ITSN1: variants seen among roughly 807,000 people sequenced by gnomAD.
ITSN1 encodes intersectin 1, also known as intersectin-1.
Under a neutral mutation model 239.8 loss-of-function variants are expected in ITSN1, and 58 were observed. The observed-to-expected ratio is 0.24, with a 90% CI of 0.20 to 0.30. ITSN1 has a LOEUF of 0.30. Among genes scored for constraint, ITSN1 ranks in the 10% least tolerant of loss-of-function variants. The pLI, the probability that ITSN1 is intolerant of heterozygous loss-of-function variation, is 1.00. For synonymous variants in ITSN1, 780 were observed against 770.8 expected (o/e 1.01, Z -0.20); for missense variants, 1,558 against 2,103.3 (o/e 0.74, Z 5.07).
chr21:33,793,124 G>A (rs748322378), intron 16 of ITSN1, among the ~76,000 whole-genome samples: 1 of 152,152 alleles, frequency 6.6e-6, no homozygotes, highest in East Asian at 1.9e-4. Flanking sequence ...GAAAAGGTTA[G>A]CCTAACCCTT....
intron 15 of ITSN1, 82 bp from the exon 16 acceptor site, chr21:33,781,912 A>T: frequency 1.5e-6 from 2 of 1,309,374 alleles, no homozygotes; most frequent in Non-Finnish European, 2.1e-6. Flanking sequence ...GAATTTCCTT[A>T]AGTGAAATGA....
intron 1 of ITSN1, among the ~76,000 whole-genome samples, chr21:33,682,592 C>T (rs2091029556): frequency 1.3e-5 from 2 of 152,024 alleles, no homozygotes; most frequent in South Asian, 4.1e-4. Flanking sequence ...ACAGTGGCAC[C>T]ATCTTGGCTC....
Position 33,765,926 on chromosome 21 carries a change from C to G in ITSN1, c.840C>G (p.Ile280Met). The change falls in exon 10 of 40, where the codon ATC (isoleucine) becomes ATG (methionine). Residue 280 changes from isoleucine to methionine, a missense_variant. By Grantham distance (10) the Ile-to-Met change is conservative. Around this residue, in one of 2 missense-constraint regions of ITSN1, gnomAD observed 982 missense variants for 1,209.9 expected, o/e 0.81. Transcript: ENST00000381318. ...GAAAACTTACAGCAGAGGAATTTAT[C>G]CTGGCAATGCACCTCATTGATGTAG... ...QDGKLTAEEF[I>M]LAMHLIDVAM... 6.2e-7 allele frequency: 1 copy of G among 1,614,078 alleles called. No individual in the cohort carries two copies. Among genetic ancestry groups the G allele is most frequent in the Non-Finnish European group, 8.5e-7 (1 of 1,179,940 alleles).
chr21:33,840,815 T>C (rs144398971), intron 29 of ITSN1, among the ~76,000 whole-genome samples: 5 of 152,386 alleles, frequency 3.3e-5, no homozygotes, highest in African/African-American at 1.2e-4. Flanking sequence ...TTTTGTTTTT[T>C]AAACTGATTA....
At chr21:33,838,094 A>T (rs186244145) in intron 29 of ITSN1, 128 of 985,620 alleles carry the variant, frequency 1.3e-4, no homozygotes, top group Non-Finnish European at 1.4e-4. Context: ...AATGGAGCTC[A>T]TGGTCCGTTT....
chr21:33,846,538 A>C (rs2148446838), intron 29 of ITSN1, among the ~76,000 whole-genome samples: 1 of 152,326 alleles, frequency 6.6e-6, no homozygotes, highest in South Asian at 2.1e-4. Context: ...GTCTTATTGC[A>C]GGGCACCCTG....
In ITSN1 at chr21:33,750,341, C is replaced by T. The variant is rs1230760576; in HGVS notation, c.526+19C>T. The T allele has an allele frequency of 1.2e-6, 2 of 1,607,796 alleles. No homozygotes were observed. The highest frequency in any genetic ancestry group is 8.5e-7 in the Non-Finnish European group (1 of 1,175,988). On this transcript the variant is annotated intron_variant, in intron 6 of 39. Transcript: ENST00000381318. ...CATCCTGGTATGTGACTTGCTGAAA[C>T]CATAGGCTGAGTTTTTACTACTTGT...
chr21:33,746,693 T>G (rs2147407651), intron 5 of ITSN1, among the ~76,000 whole-genome samples: 1 of 151,756 alleles, frequency 6.6e-6, no homozygotes, highest in African/African-American at 2.4e-5. Flanking sequence ...ATACAAAAAA[T>G]TAGCTGGACA....
rs1344936449 is a variant in ITSN1, at chr21:33,860,313, AAG to A, written c.3890+1523_3890+1524del. Among the ~76,000 whole-genome samples the A allele has an allele frequency of 5.3e-3, 798 of 150,906 alleles. 6 individuals are homozygous for A. Among genetic ancestry groups the A allele is most frequent in the African/African-American group, 0.019 (754 of 40,636 alleles). The stretch of plus-strand genomic sequence containing the variant: ...CGGGAGTGAAACCCTGTCTCAAAAA[AAG>A]AAAAAAAAAAAAAAAAAGAAAAGAA... On this transcript the variant is annotated intron_variant, in intron 31 of 39. Transcript: ENST00000381318.
At chr21:33,727,431 A>C (rs7278657) in intron 4 of ITSN1, among the ~76,000 whole-genome samples, 4,768 of 151,794 alleles carry the variant, frequency 0.031, 247 homozygotes, top group African/African-American at 0.11. Flanking sequence ...GGGCCCTGAG[A>C]GGAAAGAAGG....
intron 33 of ITSN1, among the ~76,000 whole-genome samples, chr21:33,867,732 G>A (rs1436849942): frequency 2.0e-5 from 3 of 152,080 alleles, no homozygotes; most frequent in African/African-American, 4.8e-5. Flanking sequence ...AGACCCTCGC[G>A]GTGAGTGTTA....
chr21:33,853,902 C>T (rs1007801533), intron 29 of ITSN1, among the ~76,000 whole-genome samples: 4 of 152,136 alleles, frequency 2.6e-5, no homozygotes, highest in East Asian at 1.9e-4. Context: ...CCACCTTCAG[C>T]GGAGGGTGGG....
intron 4 of ITSN1, among the ~76,000 whole-genome samples, chr21:33,728,884 T>TC (rs550741761): frequency 5.3e-5 from 8 of 150,802 alleles, no homozygotes; most frequent in Non-Finnish European, 7.4e-5. Flanking sequence ...AGCCCCCCAC[T>TC]CCCCCCTGCC....
chr21:33,689,807 A>C (rs1443348597), intron 1 of ITSN1, among the ~76,000 whole-genome samples: 1 of 151,970 alleles, frequency 6.6e-6, no homozygotes, highest in East Asian at 1.9e-4. Context: ...GTCTCTACTG[A>C]AAATACAAAA....
chr21:33,676,003 G>A (rs1020481745), intron 1 of ITSN1, among the ~76,000 whole-genome samples: 1 of 151,536 alleles, frequency 6.6e-6, no homozygotes, highest in Non-Finnish European at 1.5e-5. Context: ...GTGTTTCATA[G>A]AAGTGCCATC....
At position 33,813,968 on chromosome 21, in the gene ITSN1, G is replaced by A. The variant is rs199689124; in HGVS notation, c.2623G>A (p.Ala875Thr). 8.1e-5 allele frequency: 131 copies of A among 1,613,898 alleles called. No individual in the cohort carries two copies. The highest frequency in any genetic ancestry group is 9.2e-5 in the Non-Finnish European group (108 of 1,179,974). Residue 875 changes from alanine to threonine, a missense_variant, in exon 22 of 40, where the codon GCC becomes ACC. Coordinates refer to ENST00000381318, the MANE Select transcript of ITSN1 (RefSeq NM_003024.3). Reference protein sequence around the residue: ...PETDNWDAWAAQPSLTVPSAG... With the variant: ...PETDNWDAWATQPSLTVPSAG... ...AACGGATAACTGGGATGCATGGGCA[G>A]CCCAGCCCTCTCTCACCGTTCCAAG... is the stretch of plus-strand genomic sequence containing the variant.
Position 33,797,515 on chromosome 21 carries a change from G to A in ITSN1, c.2089G>A (p.Gly697Ser). The A allele has an allele frequency of 6.2e-7, 1 of 1,614,124 alleles. No individual in the cohort carries two copies. Among genetic ancestry groups the A allele is most frequent in the Non-Finnish European group, 8.5e-7 (1 of 1,180,026 alleles). Reference sequence around the variant, plus strand: ...CAAAAAGAAGGATGGCGAGGAAAAAGGCAAACAGGAAGCACAAGACAAGCT... The same window carrying A: ...CAAAAAGAAGGATGGCGAGGAAAAAAGCAAACAGGAAGCACAAGACAAGCT... ...SVKKKDGEEK[G>S]KQEAQDKLGR... Residue 697 changes from glycine to serine, a missense_variant, in exon 18 of 40, where the codon GGC (glycine) becomes AGC (serine). By Grantham distance (56) the Gly-to-Ser change is moderately conservative (BLOSUM62 0). This residue lies in a region of ITSN1 where 982 missense variants were observed against 1,209.9 expected (regional missense o/e 0.81). Transcript: ENST00000381318. The surrounding 1 kb of genome is among the most constrained non-coding windows in gnomAD (Gnocchi z 4.9).
chr21:33,697,008 C>G (rs998150182), intron 1 of ITSN1, among the ~76,000 whole-genome samples: 1 of 151,614 alleles, frequency 6.6e-6, no homozygotes, highest in Non-Finnish European at 1.5e-5. Context: ...TTAATGTTTT[C>G]CTTTATGTAT....
At chr21:33,717,855 C>A (rs752778476) in intron 1 of ITSN1, among the ~76,000 whole-genome samples, 12 of 152,236 alleles carry the variant, frequency 7.9e-5, no homozygotes, top group Non-Finnish European at 1.5e-4. Flanking sequence ...GCGTGAGCCA[C>A]TGCGCCCGGC....
Sources: gnomAD v4.1 joint callset for allele counts (sites outside exome capture counted in the v4.1 genomes callset) on GRCh38, gnomAD v4.1.1 for gene constraint, gnomAD v4.1.1 regional missense constraint, Gnocchi (gnomAD v3.1) non-coding constraint, MANE v1.5 for transcripts, NCBI Gene and HGNC (gene_info 2026-07-23, HGNC 2026-07-21) for gene names.